The following ZNF554 variants were observed in gnomAD, a reference collection of about 807,000 sequenced individuals.
The protein encoded by ZNF554 is zinc finger protein 554.
Under a neutral mutation model 21.2 loss-of-function variants are expected in ZNF554, and 15 were observed. That is an observed-to-expected ratio of 0.71 (90% CI 0.47 to 1.09). The LOEUF (loss-of-function observed/expected upper bound fraction) is 1.09. ZNF554 is among the 50% of genes least tolerant of loss of function. The pLI, the probability that ZNF554 is intolerant of heterozygous loss-of-function variation, is 0.00. For missense variants in ZNF554, 691 were observed against 662.7 expected, an observed-to-expected ratio of 1.04 and a Z score of -0.47; for synonymous variants, 258 against 251.4, an observed-to-expected ratio of 1.03 and a Z score of -0.25.
Position 2,834,304 on chromosome 19 carries a change from T to C in ZNF554, c.1069T>C (p.Cys357Arg), listed in dbSNP as rs773130811. 6.8e-6 allele frequency: 11 copies of C among 1,613,522 alleles called. No homozygotes were observed. Among genetic ancestry groups the C allele is most frequent in the Admixed American group, 1.7e-5 (1 of 59,934 alleles). The change falls in exon 5 of 5, where the codon TGT (cysteine) becomes CGT (arginine). Residue 357 changes from cysteine to arginine, a missense_variant. By Grantham distance (180) the Cys-to-Arg change is radical. Coordinates refer to ENST00000317243, the MANE Select transcript of ZNF554 (RefSeq NM_001102651.2). The stretch of plus-strand genomic sequence containing the variant: ...GGAGAAACCCTACGAGTGTCAGGAG[T>C]GTGGGCGAGCCTTTACGCACAGCTC... ...TGEKPYECQE[C>R]GRAFTHSSTL...
At chr19:2,825,639 C>T (rs1249614230) in intron 2 of ZNF554, among the ~76,000 whole-genome samples, 3 of 152,160 alleles carry the variant, frequency 2.0e-5, no homozygotes, top group Non-Finnish European at 4.4e-5. Flanking sequence ...CACTGTGTTG[C>T]TCAGTCTGGT....
chr19:2,834,560 G>A lies in ZNF554; in HGVS notation c.1325G>A (p.Gly442Glu), dbSNP rs772066566. 1 of 1,614,114 alleles carries A rather than the reference G, an allele frequency of 6.2e-7. No homozygotes were observed. Among genetic ancestry groups the A allele is most frequent in the Non-Finnish European group, 8.5e-7 (1 of 1,180,028 alleles). ...AAGCCCTACGAATGCAGTGAATGTG[G>A]AAAGGCCTTCAGTGACCGTTCCTCT... ...GEKPYECSEC[G>E]KAFSDRSSLN... is the part of the protein sequence containing the mutation. Residue 442 changes from glycine to glutamate, a missense_variant, in exon 5 of 5, where the codon GGA becomes GAA. By Grantham distance (98) the Gly-to-Glu change is moderately conservative (BLOSUM62 -2). Coordinates refer to ENST00000317243, the MANE Select transcript of ZNF554 (RefSeq NM_001102651.2).
intron 3 of ZNF554, among the ~76,000 whole-genome samples, chr19:2,829,532 G>A (rs1001938835): frequency 6.6e-6 from 1 of 151,966 alleles, no homozygotes; most frequent in Admixed American, 6.6e-5. Context: ...AGCTACTCAG[G>A]AGGCTGAGGC....
chr19:2,834,566 C>T lies in ZNF554; in HGVS notation c.1331C>T (p.Ala444Val). 3.7e-6 allele frequency: 6 copies of T among 1,614,060 alleles called. No homozygotes were observed. The Admixed American group carries it at 8.3e-5, about 22-fold the overall frequency. ...KPYECSECGK[A>V]FSDRSSLNQH... is the part of the protein sequence containing the mutation. ...TACGAATGCAGTGAATGTGGAAAGG[C>T]CTTCAGTGACCGTTCCTCTCTCAAC... Residue 444 changes from alanine (A) to valine (V), a missense_variant, in exon 5 of 5, where the codon GCC (alanine) becomes GTC (valine). Ala to Val is a moderately conservative substitution (Grantham distance 64). Coordinates refer to ENST00000317243, the MANE Select transcript of ZNF554 (RefSeq NM_001102651.2).
intron 1 of ZNF554, 44 bp downstream of exon 1, chr19:2,820,168 T>C (rs1337500715): frequency 4.4e-5 from 53 of 1,216,178 alleles, no homozygotes; most frequent in Non-Finnish European, 4.9e-5. Flanking sequence ...GTGCCGGGCC[T>C]GCCGGGGCTC....
chr19:2,821,359 C>A lies in ZNF554; in HGVS notation c.53+1235C>A, dbSNP rs773838815. On this transcript the variant is annotated intron_variant, in intron 1 of 4. Transcript: ENST00000317243. This position sits in a 1 kb window ranked among gnomAD's most constrained non-coding sequence, Gnocchi z 8.2. ...ACCTACCTCGGCCTCCCAAAGTGAC[C>A]ACTGCGCCCGGCGCCTTTGGTTCTT... Among the ~76,000 whole-genome samples, 16 of 151,860 alleles carry A rather than the reference C, an allele frequency of 1.1e-4. No homozygotes were observed. The highest frequency in any genetic ancestry group is 2.1e-4 in the Non-Finnish European group (14 of 68,010).
intron 2 of ZNF554, among the ~76,000 whole-genome samples, chr19:2,825,844 G>A (rs2087324901): frequency 1.3e-5 from 2 of 152,156 alleles, no homozygotes; most frequent in African/African-American, 2.4e-5. Context: ...TGAAAGCTCA[G>A]GGTGCCTCCT....
rs769732637 is a variant in ZNF554, at chr19:2,834,769, A to G, written c.1534A>G (p.Lys512Glu). Residue 512 changes from lysine to glutamate, a missense_variant, in exon 5 of 5, where the codon AAA (lysine) becomes GAA (glutamate). Coordinates refer to ENST00000317243, the MANE Select transcript of ZNF554 (RefSeq NM_001102651.2). The stretch of plus-strand genomic sequence containing the variant: ...GAGCTCATCCCTTGTCACACATCAG[A>G]AAACTCACAGCAGCCAGAAAACCTA... ...SQSSSLVTHQ[K>E]THSSQKTYKI... 6.2e-7 allele frequency: 1 copy of G among 1,613,530 alleles called. No individual in the cohort carries two copies. Among genetic ancestry groups the G allele is most frequent in the Non-Finnish European group, 8.5e-7 (1 of 1,179,612 alleles).
rs574304480 is a variant in ZNF554 at position 2,820,252 on chromosome 19, C to T, written c.53+128C>T. 8 of 905,392 alleles carry T rather than the reference C, an allele frequency of 8.8e-6. No homozygotes were observed. In the Admixed American group the frequency reaches 2.7e-4, roughly 31 times the overall value. 56.1% of individuals were successfully genotyped at this position (905,392 alleles called of 1,614,324 possible). On this transcript the variant is annotated intron_variant, in intron 1 of 4. Coordinates refer to ENST00000317243, the MANE Select transcript of ZNF554 (RefSeq NM_001102651.2). ...CGCGATAGGGTCCCCACGGGAGGGT[C>T]GGGAGCCGGCAGCTCGCCCAGGGCC... is the stretch of plus-strand genomic sequence containing the variant.
chr19:2,833,633 A>G (rs765413300), intron 4 of ZNF554, 48 bp from the exon 5 acceptor site: 6 of 1,472,456 alleles, frequency 4.1e-6, no homozygotes, highest in Non-Finnish European at 3.6e-6. Context: ...GTTTTCAAGT[A>G]GCTGTTTCTT....
Position 2,834,303 on chromosome 19 carries a change from G to A in ZNF554, c.1068G>A (p.Glu356=). The change falls in exon 5 of 5, where the codon GAG becomes GAA. Residue 356 remains glutamate, a synonymous_variant. Transcript: ENST00000317243. The part of the protein sequence containing the change: ...HTGEKPYECQ[E]CGRAFTHSST... ...GGGAGAAACCCTACGAGTGTCAGGA[G>A]TGTGGGCGAGCCTTTACGCACAGCT... 6.2e-7 allele frequency: 1 copy of A among 1,614,002 alleles called. No homozygotes were observed. The highest frequency in any genetic ancestry group is 1.3e-5 in the African/African-American group (1 of 74,980).
chr19:2,821,351 A>C lies in ZNF554; in HGVS notation c.53+1227A>C, dbSNP rs2087261351. Among the ~76,000 whole-genome samples, 1 of 151,960 alleles carries C rather than the reference A, an allele frequency of 6.6e-6. No individual in the cohort carries two copies. Among genetic ancestry groups the C allele is most frequent in the South Asian group, 2.1e-4 (1 of 4,828 alleles). On this transcript the variant is annotated intron_variant, in intron 1 of 4. Transcript: ENST00000317243. The surrounding 1 kb of genome is among the most constrained non-coding windows in gnomAD (Gnocchi z 8.2). ...GGTGATCCACCTACCTCGGCCTCCC[A>C]AAGTGACCACTGCGCCCGGCGCCTT...
At chr19:2,826,486 G>C (rs1206536015) in intron 2 of ZNF554, 1 of 152,008 alleles carries the variant, frequency 6.6e-6, no homozygotes, top group African/African-American at 2.4e-5. Flanking sequence ...ACAGGCATGC[G>C]TCACAGTGCC....
intron 3 of ZNF554, among the ~76,000 whole-genome samples, chr19:2,828,270 T>G (rs1470602624): frequency 6.6e-6 from 1 of 152,198 alleles, no homozygotes; most frequent in African/African-American, 2.4e-5. Context: ...ACAGATGACC[T>G]TACTTGTTCA....
rs1336791050 is a variant in ZNF554 at position 2,835,486 on chromosome 19, A to AAG, written c.*635_*636insGA. ...GACTCCGTCTCAAAAAAAAAAAAAA[A>AAG]ATTATAGAGTTGGGGTCTTGCTACA... On this transcript the variant is annotated 3_prime_UTR_variant, in exon 5 of 5. Transcript: ENST00000317243. The AAG allele has an allele frequency of 1.3e-5, 2 of 151,290 alleles. No homozygotes were observed. The highest frequency in any genetic ancestry group is 2.9e-5 in the Non-Finnish European group (2 of 67,874). 9.4% of individuals were successfully genotyped at this position (151,290 alleles called of 1,614,324 possible). A position where few individuals can be genotyped will look rare whatever the true frequency, so the allele number is the denominator to read the frequency against.
At chr19:2,832,638 CT>C (rs2087436658) in intron 4 of ZNF554, 144 bp downstream of exon 4, 2 of 745,832 alleles carry the variant, frequency 2.7e-6, no homozygotes, top group Non-Finnish European at 4.2e-6. Flanking sequence ...TTTCTGGCAG[CT>C]TTCTCCTTCT....
intron 3 of ZNF554, chr19:2,831,517 A>G (rs2087418405): frequency 6.7e-6 from 1 of 149,058 alleles, no homozygotes; most frequent in African/African-American, 2.5e-5. Flanking sequence ...GATGGTCTTG[A>G]TCTCCTGACC....
At position 2,834,397 on chromosome 19, in the gene ZNF554, G is replaced by A; in HGVS notation, c.1162G>A (p.Ala388Thr). The A allele has an allele frequency of 6.2e-7, 1 of 1,613,982 alleles. No homozygotes were observed. The highest frequency in any genetic ancestry group is 8.5e-7 in the Non-Finnish European group (1 of 1,179,994). ...KPYGCGECGK[A>T]FNRISSLTQH... ...CTACGGGTGCGGTGAGTGCGGGAAA[G>A]CCTTCAACAGGATCTCATCGCTGAC... Residue 388 changes from alanine to threonine, a missense_variant, in exon 5 of 5, where the codon GCC (alanine) becomes ACC (threonine). Coordinates refer to ENST00000317243, the MANE Select transcript of ZNF554 (RefSeq NM_001102651.2).
In ZNF554 at chr19:2,827,651, T is replaced by C; in HGVS notation, c.161T>C (p.Phe54Ser). Residue 54 changes from phenylalanine (F) to serine (S), a missense_variant, in exon 3 of 5, where the codon TTC becomes TCC. By Grantham distance (155) the Phe-to-Ser change is radical. Transcript: ENST00000317243. ...LVTFEDVSMD[F>S]SQEEWELLEP... ...ACCTTTGAGGACGTGTCCATGGACTTCTCCCAGGAGGAGTGGGAGTTGCTG... is the reference window on the plus strand; with the variant it reads ...ACCTTTGAGGACGTGTCCATGGACTCCTCCCAGGAGGAGTGGGAGTTGCTG... The C allele has an allele frequency of 6.2e-7, 1 of 1,613,910 alleles. No homozygotes were observed. The highest frequency in any genetic ancestry group is 1.1e-5 in the South Asian group (1 of 91,028).
Sources: allele counts gnomAD v4.1 joint callset (sites outside exome capture counted in the v4.1 genomes callset), GRCh38; gene constraint gnomAD v4.1.1; non-coding constraint Gnocchi (gnomAD v3.1); transcripts MANE v1.5; gene names NCBI Gene and HGNC (gene_info 2026-07-23, HGNC 2026-07-21).